The following NKAIN2 variants were observed in gnomAD, a reference collection of about 807,000 sequenced individuals.
NKAIN2 encodes the protein sodium/potassium transporting ATPase interacting 2, also known as sodium/potassium-transporting ATPase subunit beta-1-interacting protein 2.
NKAIN2 carries 14 observed loss-of-function variants against 32.6 expected under a neutral mutation model. That is an observed-to-expected ratio of 0.43 (90% confidence interval 0.28 to 0.67). The LOEUF (loss-of-function observed/expected upper bound fraction) is 0.67. NKAIN2 is among the 30% of genes least tolerant of loss of function. The pLI is 0.17. For synonymous variants in NKAIN2, 80 were observed against 87.2 expected, an observed-to-expected ratio of 0.92 and a Z score of 0.46; for missense variants, 198 against 258.3, an observed-to-expected ratio of 0.77 and a Z score of 1.60.
chr6:124,027,898 C>T (rs1781188537), intron 1 of NKAIN2, among the ~76,000 whole-genome samples: 1 of 152,092 alleles, frequency 6.6e-6, no homozygotes, highest in Non-Finnish European at 1.5e-5. Context: ...CCATGCCATT[C>T]ACTTAATCAA....
At chr6:124,283,682 A>T (rs1562470077) in intron 2 of NKAIN2, among the ~76,000 whole-genome samples, 1 of 152,180 alleles carries the variant, frequency 6.6e-6, no homozygotes, top group Non-Finnish European at 1.5e-5. Context: ...CACTCAAGTT[A>T]AACTTACTTA....
intron 1 of NKAIN2, among the ~76,000 whole-genome samples, chr6:124,159,662 G>C (rs1024593194): frequency 6.6e-6 from 1 of 152,090 alleles, no homozygotes; most frequent in Non-Finnish European, 1.5e-5. Flanking sequence ...ATATCCGAGT[G>C]CAATAGTGAA....
intron 3 of NKAIN2, among the ~76,000 whole-genome samples, chr6:124,510,538 G>C (rs566231844): frequency 6.6e-6 from 1 of 152,124 alleles, no homozygotes; most frequent in Non-Finnish European, 1.5e-5. Flanking sequence ...TCTTTATAAA[G>C]TTAAGAGATT....
chr6:123,843,661 T>C (rs555529996), intron 1 of NKAIN2, among the ~76,000 whole-genome samples: 6 of 152,078 alleles, frequency 3.9e-5, no homozygotes, highest in Non-Finnish European at 7.4e-5. Context: ...CTGCATCCTG[T>C]CCTTATCATC....
chr6:124,491,919 G>T (rs1033347282), intron 3 of NKAIN2, among the ~76,000 whole-genome samples: 2 of 151,880 alleles, frequency 1.3e-5, no homozygotes, highest in African/African-American at 4.8e-5. Context: ...CCACCTTTGT[G>T]TGAGAAAGTC....
chr6:124,640,416 C>G (rs111762926), intron 3 of NKAIN2, among the ~76,000 whole-genome samples: 1 of 152,264 alleles, frequency 6.6e-6, no homozygotes, highest in East Asian at 1.9e-4. Context: ...TCTGGAAATA[C>G]TTAACCTGTT....
intron 2 of NKAIN2, among the ~76,000 whole-genome samples, chr6:124,330,781 G>T (rs896900258): frequency 6.6e-6 from 1 of 152,256 alleles, no homozygotes; most frequent in African/African-American, 2.4e-5. Context: ...CAGGTGAACG[G>T]CAGGCAAGAG....
chr6:124,235,015 G>A (rs802309), intron 1 of NKAIN2, among the ~76,000 whole-genome samples: 86,673 of 151,934 alleles, frequency 0.57, 27,300 homozygotes, highest in South Asian at 0.72. Context: ...GGCAGAGAAA[G>A]CACACAATGG....
At chr6:124,267,670 G>A (rs1324354302) in intron 1 of NKAIN2, among the ~76,000 whole-genome samples, 3 of 151,858 alleles carry the variant, frequency 2.0e-5, no homozygotes, top group Admixed American at 1.3e-4. Context: ...TTAGACATTG[G>A]GACTAATAGT....
chr6:124,743,458 A>G (rs1392734080), intron 4 of NKAIN2, among the ~76,000 whole-genome samples: 1 of 151,828 alleles, frequency 6.6e-6, no homozygotes, highest in Non-Finnish European at 1.5e-5. Flanking sequence ...AAATCAATAA[A>G]TTGCCATTTA....
intron 4 of NKAIN2, among the ~76,000 whole-genome samples, chr6:124,740,627 T>C (rs575139220): frequency 2.0e-5 from 3 of 151,896 alleles, no homozygotes; most frequent in Admixed American, 2.0e-4. Flanking sequence ...AAATCAACCA[T>C]GTTAATATCT....
intron 3 of NKAIN2, among the ~76,000 whole-genome samples, chr6:124,590,985 A>G (rs1208933811): frequency 3.3e-5 from 5 of 152,232 alleles, no homozygotes; most frequent in African/African-American, 1.2e-4. Flanking sequence ...GACACCATGT[A>G]TATCAGGAAC....
chr6:124,250,080 G>T (rs116001260), intron 1 of NKAIN2, among the ~76,000 whole-genome samples: 2,085 of 152,178 alleles, frequency 0.014, 45 homozygotes, highest in African/African-American at 0.048. Flanking sequence ...CTCCTGAATG[G>T]AATTAGTGCC....
chr6:123,871,059 A>T (rs928964645), intron 1 of NKAIN2, among the ~76,000 whole-genome samples: 2 of 152,020 alleles, frequency 1.3e-5, no homozygotes, highest in African/African-American at 4.8e-5. Flanking sequence ...CACATTACCT[A>T]TTCATTTCCC....
chr6:124,090,669 T>C (rs1205401071), intron 1 of NKAIN2, among the ~76,000 whole-genome samples: 1 of 152,008 alleles, frequency 6.6e-6, no homozygotes, highest in Non-Finnish European at 1.5e-5. Context: ...CTAAACAAAT[T>C]ACTTTACTTT....
chr6:124,137,748 A>G (rs1467714692), intron 1 of NKAIN2, among the ~76,000 whole-genome samples: 1 of 152,154 alleles, frequency 6.6e-6, no homozygotes, highest in East Asian at 1.9e-4. Flanking sequence ...AGCATACAAA[A>G]ACACATAAAG....
At chr6:124,473,511 G>A (rs1226583571) in intron 3 of NKAIN2, among the ~76,000 whole-genome samples, 4 of 151,768 alleles carry the variant, frequency 2.6e-5, no homozygotes, top group African/African-American at 9.7e-5. Flanking sequence ...TTTTTCCTTT[G>A]AGGTTTATGT....
chr6:124,819,234 G>A lies in NKAIN2; in HGVS notation c.617+766G>A, dbSNP rs116741724. On this transcript the variant is annotated intron_variant, in intron 6 of 6. Transcript: ENST00000368417. ...TCTTTGAAGATATGTGTTTGTTGTC[G>A]TTGTCCTCCACCATTGAATCATTTT... 2,904 of 323,200 alleles carry A rather than the reference G, an allele frequency of 9.0e-3. 78 individuals carry two copies. Among genetic ancestry groups the A allele is most frequent in the African/African-American group, 0.056 (2,503 of 44,626 alleles). The allele number at this position is 323,200 out of a possible 1,614,324, so 20.0% of individuals were successfully genotyped here.
intron 4 of NKAIN2, among the ~76,000 whole-genome samples, chr6:124,668,852 G>T (rs1251421819): frequency 1.3e-5 from 2 of 152,070 alleles, no homozygotes; most frequent in Non-Finnish European, 2.9e-5. Flanking sequence ...TAGTAAAGAA[G>T]TCACCAAAAT....
Sources: gnomAD v4.1 joint callset for allele counts (sites outside exome capture counted in the v4.1 genomes callset) on GRCh38, gnomAD v4.1.1 for gene constraint, MANE v1.5 for transcripts, NCBI Gene and HGNC (gene_info 2026-07-23, HGNC 2026-07-21) for gene names.